The following SPPL3 variants were observed in gnomAD, a reference collection of about 807,000 sequenced individuals.
SPPL3 encodes the protein signal peptide peptidase-like 3.
A neutral mutation model predicts 42.4 loss-of-function variants in SPPL3; 5 were observed. The observed-to-expected ratio is 0.12, with a 90% confidence interval of 0.06 to 0.25. The LOEUF (loss-of-function observed/expected upper bound fraction) is 0.25, where lower values mean the gene tolerates loss of function less well. Among genes scored for constraint, SPPL3 ranks in the 10% least tolerant of loss-of-function variants. The pLI is 1.00. For missense variants in SPPL3, 235 were observed against 489.0 expected (o/e 0.48, Z 4.90); for synonymous variants, 195 against 181.8 (o/e 1.07, Z -0.58).
intron 1 of SPPL3, among the ~76,000 whole-genome samples, chr12:120,889,512 CT>C (rs1873565526): frequency 1.3e-5 from 2 of 152,258 alleles, no homozygotes; most frequent in African/African-American, 4.8e-5. Context: ...TCTTGTGCCC[CT>C]GGCACTGCCT....
chr12:120,842,815 TGGAG>T (rs1490158388), intron 1 of SPPL3, among the ~76,000 whole-genome samples: 1 of 151,886 alleles, frequency 6.6e-6, no homozygotes, highest in Non-Finnish European at 1.5e-5. Context: ...ATTGGGTGGG[TGGAG>T]GGAGGGGACA....
chr12:120,855,694 C>CAA (rs112178601), intron 1 of SPPL3, among the ~76,000 whole-genome samples: 27,557 of 138,100 alleles, frequency 0.2, 4,060 homozygotes, highest in African/African-American at 0.41. Flanking sequence ...GACTCCATCT[C>CAA]AAAAAAAAAA....
chr12:120,765,630 A>C (rs2136964264), intron 10 of SPPL3, among the ~76,000 whole-genome samples: 1 of 152,214 alleles, frequency 6.6e-6, no homozygotes, highest in South Asian at 2.1e-4. Context: ...GAAACCAAAG[A>C]GCATTTAAAT....
intron 1 of SPPL3, among the ~76,000 whole-genome samples, chr12:120,875,937 A>G (rs867311855): frequency 6.6e-5 from 10 of 152,274 alleles, no homozygotes; most frequent in East Asian, 1.9e-4. Context: ...AGTGGTGTCA[A>G]TATCAACAAA....
chr12:120,867,394 C>T (rs1872786618), intron 1 of SPPL3, among the ~76,000 whole-genome samples: 1 of 152,224 alleles, frequency 6.6e-6, no homozygotes, highest in East Asian at 1.9e-4. Context: ...TAGCTGGGCG[C>T]GGTGGCTCAC....
intron 1 of SPPL3, among the ~76,000 whole-genome samples, chr12:120,849,468 T>C (rs1872153399): frequency 6.6e-6 from 1 of 152,208 alleles, no homozygotes; most frequent in African/African-American, 2.4e-5. Context: ...CTATCTATAC[T>C]AGCAATGGCC....
chr12:120,868,616 G>T (rs969806559), intron 1 of SPPL3, among the ~76,000 whole-genome samples: 6 of 152,042 alleles, frequency 3.9e-5, no homozygotes, highest in Non-Finnish European at 7.4e-5. Flanking sequence ...CAAGTAGCTG[G>T]GACTACAGGC....
At chr12:120,889,037 C>A (rs1873551593) in intron 1 of SPPL3, among the ~76,000 whole-genome samples, 1 of 152,118 alleles carries the variant, frequency 6.6e-6, no homozygotes, top group African/African-American at 2.4e-5. Flanking sequence ...TGGTCTTGAA[C>A]CCCTGACCTC....
intron 1 of SPPL3, among the ~76,000 whole-genome samples, chr12:120,816,081 G>A (rs980943019): frequency 2.6e-5 from 4 of 152,108 alleles, no homozygotes; most frequent in African/African-American, 9.7e-5. Flanking sequence ...TCTGTGCTGT[G>A]CTCCAGCCTC....
chr12:120,818,265 T>C (rs979765657), intron 1 of SPPL3, among the ~76,000 whole-genome samples: 3 of 152,230 alleles, frequency 2.0e-5, no homozygotes, highest in South Asian at 2.1e-4. Context: ...GCCAAATGTA[T>C]TGAAAACAGT....
intron 1 of SPPL3, among the ~76,000 whole-genome samples, chr12:120,828,376 A>T (rs1871291582): frequency 7.0e-6 from 1 of 143,570 alleles, no homozygotes; most frequent in Non-Finnish European, 1.5e-5. Flanking sequence ...GGAAAATAAA[A>T]AAAGGTTCAA....
intron 1 of SPPL3, among the ~76,000 whole-genome samples, chr12:120,862,812 A>C (rs2137043502): frequency 6.6e-6 from 1 of 152,142 alleles, no homozygotes; most frequent in African/African-American, 2.4e-5. Context: ...CCCTCTGCAG[A>C]GGTTGAGGGA....
At chr12:120,837,620 C>A (rs184869858) in intron 1 of SPPL3, among the ~76,000 whole-genome samples, 1 of 152,196 alleles carries the variant, frequency 6.6e-6, no homozygotes, top group East Asian at 1.9e-4. Flanking sequence ...GAAGGGAATG[C>A]GATTCCTGTA....
chr12:120,845,608 T>A (rs988035595), intron 1 of SPPL3: 2 of 460,212 alleles, frequency 4.3e-6, no homozygotes, highest in African/African-American at 4.1e-5. Context: ...CACATTTCTT[T>A]TCTGTCAAAA....
At chr12:120,795,889 A>C (rs1386667567) in intron 2 of SPPL3, among the ~76,000 whole-genome samples, 1 of 152,142 alleles carries the variant, frequency 6.6e-6, no homozygotes, top group African/African-American at 2.4e-5. Flanking sequence ...TGATAGCTCC[A>C]TTATGATCTT....
intron 1 of SPPL3, among the ~76,000 whole-genome samples, chr12:120,815,747 GAC>G (rs574205623): frequency 4.2e-4 from 64 of 151,844 alleles, no homozygotes; most frequent in African/African-American, 1.2e-3. Flanking sequence ...TATTTTTTGA[GAC>G]AGAGTCTCGC....
intron 6 of SPPL3, among the ~76,000 whole-genome samples, chr12:120,780,587 T>TA (rs34476118): frequency 0.049 from 6,124 of 124,588 alleles, 172 homozygotes; most frequent in South Asian, 0.12. Context: ...TGTCTCTATT[T>TA]AAAAAAAAAA....
At chr12:120,827,674 C>G (rs181360517) in intron 1 of SPPL3, among the ~76,000 whole-genome samples, 58 of 152,336 alleles carry the variant, frequency 3.8e-4, no homozygotes, top group Middle Eastern at 6.8e-3. Flanking sequence ...TTGTGCCCCC[C>G]AGCCTCAGCT....
chr12:120,820,375 G>A (rs1424952273), intron 1 of SPPL3, among the ~76,000 whole-genome samples: 1 of 145,574 alleles, frequency 6.9e-6, no homozygotes, highest in African/African-American at 2.6e-5. Flanking sequence ...GAGTGCAATG[G>A]CACAACCTTG....
Sources: gnomAD v4.1 joint callset for allele counts (sites outside exome capture counted in the v4.1 genomes callset) on GRCh38, gnomAD v4.1.1 for gene constraint, MANE v1.5 for transcripts, NCBI Gene and HGNC (gene_info 2026-07-23, HGNC 2026-07-21) for gene names.